Variants in ZFTA observed in about 807,000 individuals in gnomAD.
ZFTA encodes the protein zinc finger translocation-associated protein.
A neutral mutation model predicts 41.8 loss-of-function variants in ZFTA; 35 were observed. That is an observed-to-expected ratio of 0.84 (90% CI 0.64 to 1.11). ZFTA has a LOEUF of 1.11. Ranked by LOEUF, ZFTA falls within the 50% of genes most tolerant of loss-of-function variation. The pLI, the probability that ZFTA is intolerant of heterozygous loss-of-function variation, is 0.00. For synonymous variants in ZFTA, 514 were observed against 436.4 expected, an observed-to-expected ratio of 1.18 and a Z score of -2.22; for missense variants, 964 against 989.8, an observed-to-expected ratio of 0.97 and a Z score of 0.35.
In ZFTA at chr11:63,763,645, C is replaced by T; in HGVS notation, c.1810G>A (p.Val604Met). The T allele has an allele frequency of 6.5e-7, 1 of 1,547,462 alleles. No homozygotes were observed. Among genetic ancestry groups the T allele is most frequent in the Non-Finnish European group, 8.7e-7 (1 of 1,145,240 alleles). Residue 604 changes from valine (V) to methionine (M), a missense_variant, in exon 5 of 5, where the codon GTG (valine) becomes ATG (methionine). Transcript: ENST00000433688. ...AGCGTGGCCAGCGCGCCCCCGCACA[C>T]CATACACACCAGGCCGCGCCGGCTG... Reference protein sequence around the residue: ...DGSRRGLVCMVCGGALATLKV... With the variant: ...DGSRRGLVCMMCGGALATLKV...
At position 63,762,385 on chromosome 11, in the gene ZFTA, C is replaced by T. The variant is rs1469976224; in HGVS notation, c.*1033G>A. The T allele has an allele frequency of 6.6e-6, 1 of 152,252 alleles. No individual in the cohort carries two copies. The highest frequency in any genetic ancestry group is 1.5e-5 in the Non-Finnish European group (1 of 68,054). 9.4% of individuals were successfully genotyped at this position (152,252 alleles called of 1,614,324 possible). A position where few individuals can be genotyped will look rare whatever the true frequency, so the allele number is the denominator to read the frequency against. On this transcript the variant is annotated 3_prime_UTR_variant, in exon 5 of 5. Coordinates refer to ENST00000433688, the MANE Select transcript of ZFTA (RefSeq NM_001144936.2). ...ACCTGTTCTCCACAGGAGAATGAAT[C>T]TACACATCCCTCTCGGACCTGCCTG...
chr11:63,766,433 A>G (rs2014747121), intron 1 of ZFTA, 129 bp from the exon 2 acceptor site: 2 of 1,192,520 alleles, frequency 1.7e-6, no homozygotes, highest in Non-Finnish European at 2.2e-6. Context: ...AGGGACGGCA[A>G]CAGCAATAAA....
At chr11:63,767,138 G>A (rs2014758385) in intron 1 of ZFTA, among the ~76,000 whole-genome samples, 1 of 152,204 alleles carries the variant, frequency 6.6e-6, no homozygotes, top group African/African-American at 2.4e-5. Flanking sequence ...GCACTGGAGA[G>A]GCCCCACTAA....
At position 63,765,085 on chromosome 11, in the gene ZFTA, C is replaced by G. The variant is rs1025815836; in HGVS notation, c.807G>C (p.Arg269=). The G allele has an allele frequency of 3.9e-6, 6 of 1,548,876 alleles. No individual in the cohort carries two copies. The East Asian group carries it at 1.5e-4, about 38-fold the overall frequency. ...GGTCATAGTCCATGAGACACTCGGC[C>G]CGGAACCAGTTCTGCAGGGACTCCT... ...RLKESLQNWF[R]AECLMDYDPR... is the part of the protein sequence containing the mutation. Residue 269 remains arginine (R), a synonymous_variant, in exon 3 of 5, where the codon CGG becomes CGC. Transcript: ENST00000433688. The surrounding 1 kb of genome is among the most constrained non-coding windows in gnomAD (Gnocchi z 4.0).
Position 63,764,399 on chromosome 11 carries a change from C to T in ZFTA, c.1224G>A (p.Ser408=). The change falls in exon 4 of 5, where the codon TCG becomes TCA. Residue 408 remains serine, a synonymous_variant. Transcript: ENST00000433688. ...EGERAGVPGR[S]PRGRAHRRHP... ...GGCGGCGGTGGGCGCGGCCCCGCGG[C>T]GACCGGCCCGGGACCCCCGCCCTCT... The T allele has an allele frequency of 7.7e-7, 1 of 1,295,592 alleles. No homozygotes were observed. The highest frequency in any genetic ancestry group is 9.8e-7 in the Non-Finnish European group (1 of 1,025,558). The allele number at this position is 1,295,592 out of a possible 1,614,324, so 80.3% of individuals were successfully genotyped here. A position where few individuals can be genotyped will look rare whatever the true frequency, so the allele number is the denominator to read the frequency against.
Position 63,765,376 on chromosome 11 carries a change from CCTCT to C in ZFTA, c.638-126_638-123del. ...CAGGCCTAACCTTTGCCCTTCTCTT[CCTCT>C]CTCCTGAAATCCTAACTCCCTAAAC... On this transcript the variant is annotated intron_variant, in intron 2 of 4. Coordinates refer to ENST00000433688, the MANE Select transcript of ZFTA (RefSeq NM_001144936.2). This position sits in a 1 kb window ranked among gnomAD's most constrained non-coding sequence, Gnocchi z 4.0. 8.7e-7 allele frequency: 1 copy of C among 1,143,240 alleles called. No individual in the cohort carries two copies. Among genetic ancestry groups the C allele is most frequent in the South Asian group, 1.8e-5 (1 of 55,438 alleles). The allele number at this position is 1,143,240 out of a possible 1,614,324, so 70.8% of individuals were successfully genotyped here.
chr11:63,766,559 A>T (rs1032441241), intron 1 of ZFTA, among the ~76,000 whole-genome samples: 6 of 152,314 alleles, frequency 3.9e-5, no homozygotes, highest in African/African-American at 1.2e-4. Context: ...CTGACTTTTT[A>T]AAAAATAAGG....
Position 63,763,537 on chromosome 11 carries a change from G to C in ZFTA, c.1918C>G (p.Leu640Val), listed in dbSNP as rs551321880. 2.6e-6 allele frequency: 4 copies of C among 1,546,740 alleles called. No homozygotes were observed. The highest frequency in any genetic ancestry group is 3.5e-6 in the Non-Finnish European group (4 of 1,144,416). The change falls in exon 5 of 5, where the codon CTG becomes GTG. Residue 640 changes from leucine (L) to valine (V), a missense_variant. Leu to Val is a conservative substitution (Grantham distance 32, BLOSUM62 1). Transcript: ENST00000433688. ...AGCGCCGCCTCCTCGTAGGCCTCCA[G>C]GATAGTCTGGCGCTCCTCAGGCGTG... is the stretch of plus-strand genomic sequence containing the variant. ...DFTPEERQTI[L>V]EAYEEAALRC...
At chr11:63,766,437 C>CAATAAAAGGGATGGCAGA in intron 1 of ZFTA, 133 bp from the exon 2 acceptor site, 1 of 1,236,608 alleles carries the variant, frequency 8.1e-7, no homozygotes, top group Non-Finnish European at 1.1e-6. Context: ...ACGGCAACAG[C>CAATAAAAGGGATGGCAGA]AATAAAAGGG....
At chr11:63,766,734 G>A (rs2014752720) in intron 1 of ZFTA, among the ~76,000 whole-genome samples, 1 of 152,102 alleles carries the variant, frequency 6.6e-6, no homozygotes, top group South Asian at 2.1e-4. Context: ...GGCTGCACAC[G>A]GGACCCACCC....
chr11:63,765,275 G>T lies in ZFTA; in HGVS notation c.638-21C>A. On this transcript the variant is annotated intron_variant, in intron 2 of 4. Transcript: ENST00000433688. The surrounding 1 kb of genome is among the most constrained non-coding windows in gnomAD (Gnocchi z 4.0). ...TTTGCCTGAAAGGGTTGGAGGGAAG[G>T]AACTGAGACGCTGGCCCCACGGGAG... 2 of 1,434,936 alleles carry T rather than the reference G, an allele frequency of 1.4e-6. No individual in the cohort carries two copies. Among genetic ancestry groups the T allele is most frequent in the South Asian group, 3.0e-5 (2 of 66,082 alleles). 88.9% of individuals were successfully genotyped at this position (1,434,936 alleles called of 1,614,324 possible). A position where few individuals can be genotyped will look rare whatever the true frequency, so the allele number is the denominator to read the frequency against.
At position 63,764,303 on chromosome 11, in the gene ZFTA, C is replaced by T. The variant is rs2014707417; in HGVS notation, c.1320G>A (p.Gly440=). The T allele has an allele frequency of 7.7e-6, 11 of 1,425,130 alleles. No homozygotes were observed. The East Asian group carries it at 2.9e-4, about 37-fold the overall frequency. 88.3% of individuals were successfully genotyped at this position (1,425,130 alleles called of 1,614,324 possible). A position where few individuals can be genotyped will look rare whatever the true frequency, so the allele number is the denominator to read the frequency against. Residue 440 remains glycine, a synonymous_variant, in exon 4 of 5, where the codon GGG becomes GGA. Coordinates refer to ENST00000433688, the MANE Select transcript of ZFTA (RefSeq NM_001144936.2). ...LDGGRRGLVC[G]VCGGALASLK... ...GCGAGGCCAGCGCGCCCCCGCACAC[C>T]CCGCACACCAGGCCGCGCCGGCCGC...
Position 63,765,760 on chromosome 11 carries a change from A to C in ZFTA, c.637+47T>G. 1 of 1,434,192 alleles carries C rather than the reference A, an allele frequency of 7.0e-7. No individual in the cohort carries two copies. Among genetic ancestry groups the C allele is most frequent in the Non-Finnish European group, 9.1e-7 (1 of 1,096,416 alleles). 88.8% of individuals were successfully genotyped at this position (1,434,192 alleles called of 1,614,324 possible). On this transcript the variant is annotated intron_variant, in intron 2 of 4. Coordinates refer to ENST00000433688, the MANE Select transcript of ZFTA (RefSeq NM_001144936.2). This position sits in a 1 kb window ranked among gnomAD's most constrained non-coding sequence, Gnocchi z 4.0. Reference sequence around the variant, plus strand: ...CAGAGCAGCTGGCCCACTGTGCCCCACTGGCCACCCAGGCCCCTGCCTGTA... The same window carrying C: ...CAGAGCAGCTGGCCCACTGTGCCCCCCTGGCCACCCAGGCCCCTGCCTGTA...
intron 1 of ZFTA, among the ~76,000 whole-genome samples, chr11:63,767,087 C>T (rs1050956148): frequency 1.3e-5 from 2 of 152,214 alleles, no homozygotes; most frequent in Admixed American, 6.5e-5. Flanking sequence ...ATTTGCTGCT[C>T]TGGCAGGGAG....
At position 63,763,866 on chromosome 11, in the gene ZFTA, T is replaced by C; in HGVS notation, c.1589A>G (p.Asp530Gly). 2 of 1,423,488 alleles carry C rather than the reference T, an allele frequency of 1.4e-6. No individual in the cohort carries two copies. Among genetic ancestry groups the C allele is most frequent in the Non-Finnish European group, 1.8e-6 (2 of 1,089,194 alleles). 88.2% of individuals were successfully genotyped at this position (1,423,488 alleles called of 1,614,324 possible). Residue 530 changes from aspartate (D) to glycine (G), a missense_variant, in exon 5 of 5, where the codon GAC becomes GGC. Coordinates refer to ENST00000433688, the MANE Select transcript of ZFTA (RefSeq NM_001144936.2). ...GGGAGCTCCAGGGGACAGCGGAACGTCGCCTAAGGAGGGACAAAGGACCGC... is the reference window on the plus strand; with the variant it reads ...GGGAGCTCCAGGGGACAGCGGAACGCCGCCTAAGGAGGGACAAAGGACCGC... Reference protein sequence around the residue: ...EPEEEEEEWGDVPLSPGAPLE... With the variant: ...EPEEEEEEWGGVPLSPGAPLE...
In ZFTA at chr11:63,763,424, C is replaced by T; in HGVS notation, c.2031G>A (p.Arg677=). The T allele has an allele frequency of 3.0e-6, 4 of 1,340,380 alleles. No individual in the cohort carries two copies. Among genetic ancestry groups the T allele is most frequent in the Non-Finnish European group, 3.8e-6 (4 of 1,045,518 alleles). The allele number at this position is 1,340,380 out of a possible 1,614,324, so 83.0% of individuals were successfully genotyped here. The change falls in exon 5 of 5, where the codon CGG becomes CGA. Residue 677 remains arginine, a synonymous_variant. Coordinates refer to ENST00000433688, the MANE Select transcript of ZFTA (RefSeq NM_001144936.2). The part of the protein sequence containing the change: ...GADLKSGAVC[R]A ...CCGGGGGCCCGCTAGGCCGCTACGC[C>T]CGACACACAGCGCCAGACTTGAGGT...
Position 63,765,001 on chromosome 11 carries a change from C to T in ZFTA, c.891G>A (p.Leu297=). The change falls in exon 3 of 5, where the codon CTG becomes CTA. Residue 297 remains leucine (L), a synonymous_variant. Coordinates refer to ENST00000433688, the MANE Select transcript of ZFTA (RefSeq NM_001144936.2). The surrounding 1 kb of genome is among the most constrained non-coding windows in gnomAD (Gnocchi z 4.0). ...ACGRALPSLH[L]DDIRAHVLEV... is the part of the protein sequence containing the mutation. ...CCAGCACGTGGGCACGGATGTCGTC[C>T]AGGTGCAGGCTGGGCAGTGCCCGGC... The T allele has an allele frequency of 6.5e-7, 1 of 1,548,948 alleles. No individual in the cohort carries two copies. Among genetic ancestry groups the T allele is most frequent in the Non-Finnish European group, 8.7e-7 (1 of 1,146,558 alleles).
chr11:63,764,310 AC>A lies in ZFTA; in HGVS notation c.1312del (p.Val438CysfsTer14). On this transcript the variant is annotated frameshift_variant, in exon 4 of 5. Coordinates refer to ENST00000433688, the MANE Select transcript of ZFTA (RefSeq NM_001144936.2). LOFTEE classifies it high-confidence loss of function. ...CAGCGCGCCCCCGCACACCCCGCAC[AC>A]CAGGCCGCGCCGGCCGCCGTCCAAC... is the stretch of plus-strand genomic sequence containing the variant. ...MELDGGRRGL[V>X]CGVCGGALAS... 1 of 1,408,848 alleles carries A rather than the reference AC, an allele frequency of 7.1e-7. No homozygotes were observed. Among genetic ancestry groups the A allele is most frequent in the Non-Finnish European group, 9.2e-7 (1 of 1,087,262 alleles). The allele number at this position is 1,408,848 out of a possible 1,614,324, so 87.3% of individuals were successfully genotyped here.
chr11:63,763,970 C>T (rs545728124), intron 4 of ZFTA, 68 bp downstream of exon 4: 9 of 1,321,666 alleles, frequency 6.8e-6, no homozygotes, highest in South Asian at 5.2e-5. Context: ...CTATCCCATC[C>T]TCCAGTCCCT....
Sources: gnomAD v4.1 joint callset for allele counts (sites outside exome capture counted in the v4.1 genomes callset) on GRCh38, gnomAD v4.1.1 for gene constraint, Gnocchi (gnomAD v3.1) non-coding constraint, MANE v1.5 for transcripts, NCBI Gene and HGNC (gene_info 2026-07-23, HGNC 2026-07-21) for gene names.